ABCG2: variants seen among roughly 807,000 people sequenced by gnomAD.
ABCG2 encodes ATP binding cassette subfamily G member 2 (JR blood group).
In ABCG2, 80 loss-of-function variants were observed where a neutral mutation model predicts 73.5. The observed-to-expected ratio is 1.09, with a 90% confidence interval of 0.91 to 1.31. The LOEUF (loss-of-function observed/expected upper bound fraction) is 1.31. ABCG2 is among the 50% of genes most tolerant of loss of function. The pLI is 0.00. For synonymous variants in ABCG2, 269 were observed against 282.4 expected, an observed-to-expected ratio of 0.95 and a Z score of 0.48; for missense variants, 796 against 786.2, an observed-to-expected ratio of 1.01 and a Z score of -0.15.
rs1348537770 is a variant in ABCG2, at chr4:88,164,782, TG to T, written c.-19-24769del. 4.6e-5 allele frequency among the ~76,000 whole-genome samples: 7 copies of T among 152,266 alleles called. No homozygotes were observed. The East Asian group carries it at 5.8e-4, about 13-fold the overall frequency. On this transcript the variant is annotated intron_variant, in intron 1 of 15. Coordinates refer to the ABCG2 transcript ENST00000515655. ...AGGTAAATGGATTTTTTGTTGTTGT[TG>T]TTGTTTGTTTTTGAGACAGAGTCTC... is the stretch of plus-strand genomic sequence containing the variant.
chr4:88,201,386 C>G (rs1729159280), intron 1 of ABCG2, among the ~76,000 whole-genome samples: 1 of 152,068 alleles, frequency 6.6e-6, no homozygotes, highest in Non-Finnish European at 1.5e-5. Flanking sequence ...ATTTGATAAC[C>G]TAGATGAAAT....
At chr4:88,101,460 G>A in intron 10 of ABCG2, 141 bp from the exon 11 acceptor site, 3 of 727,376 alleles carry the variant, frequency 4.1e-6, no homozygotes, top group Non-Finnish European at 7.1e-6. Flanking sequence ...TTGGAACAGG[G>A]AAGCGTGAAC....
intron 1 of ABCG2, among the ~76,000 whole-genome samples, chr4:88,223,035 CT>C (rs1243557951): frequency 6.6e-6 from 1 of 152,248 alleles, no homozygotes; most frequent in African/African-American, 2.4e-5. Flanking sequence ...CCTATAGCCC[CT>C]TCATTGTGGC....
chr4:88,103,781 G>A (rs1003996785), intron 10 of ABCG2, among the ~76,000 whole-genome samples: 1 of 152,106 alleles, frequency 6.6e-6, no homozygotes, highest in Non-Finnish European at 1.5e-5. Context: ...CAGTTCCATT[G>A]TTTCAGATTC....
upstream of ABCG2, among the ~76,000 whole-genome samples, chr4:88,159,878 GAATT>G (rs1354072183): frequency 6.6e-6 from 1 of 152,080 alleles, no homozygotes; most frequent in Admixed American, 6.6e-5. Flanking sequence ...TTATTCTTTT[GAATT>G]AATTTCTGTC....
intron 11 of ABCG2, among the ~76,000 whole-genome samples, chr4:88,101,026 T>C (rs919178422): frequency 2.6e-5 from 4 of 152,230 alleles, no homozygotes; most frequent in African/African-American, 7.2e-5. Flanking sequence ...TCAATGAATA[T>C]TGGTAACCCC....
chr4:88,132,787 A>C, intron 2 of ABCG2, 152 bp from the exon 3 acceptor site: 4 of 854,662 alleles, frequency 4.7e-6, no homozygotes, highest in Non-Finnish European at 7.4e-6. Flanking sequence ...AACAAACAAA[A>C]CAGGTCATGC....
At position 88,219,427 on chromosome 4, in the gene ABCG2, G is replaced by A. The variant is rs527775571; in HGVS notation, c.-20+11567C>T. On this transcript the variant is annotated intron_variant, in intron 1 of 15. Coordinates refer to the ABCG2 transcript ENST00000515655. Reference sequence around the variant, plus strand: ...ATGTTCTACAAGGAAATTACATAGAGCAATAGGAGAGGCTTCCCTGAGGAC... The same window carrying A: ...ATGTTCTACAAGGAAATTACATAGAACAATAGGAGAGGCTTCCCTGAGGAC... Among the ~76,000 whole-genome samples, 339 of 152,246 alleles carry A rather than the reference G, an allele frequency of 2.2e-3. 3 individuals are homozygous for A. The highest frequency in any genetic ancestry group is 3.3e-3 in the Non-Finnish European group (224 of 68,016).
chr4:88,230,212 C>T (rs987537469), intron 1 of ABCG2, among the ~76,000 whole-genome samples: 10 of 147,374 alleles, frequency 6.8e-5, no homozygotes, highest in Admixed American at 1.4e-4. Context: ...AGGCTTGTCT[C>T]GAACTCCTGA....
chr4:88,208,054 T>C (rs1427011961), intron 1 of ABCG2, among the ~76,000 whole-genome samples: 1 of 152,206 alleles, frequency 6.6e-6, no homozygotes, highest in African/African-American at 2.4e-5. Flanking sequence ...CAGTATTCAC[T>C]TCCAAGGAAT....
chr4:88,161,741 C>T (rs1727317668), upstream of ABCG2, among the ~76,000 whole-genome samples: 2 of 64,144 alleles, frequency 3.1e-5, no homozygotes, highest in African/African-American at 6.6e-5. Flanking sequence ...CCTGAGGAAT[C>T]GCCACACCGA....
chr4:88,108,351 G>A (rs989537930), intron 9 of ABCG2, among the ~76,000 whole-genome samples: 2 of 80,794 alleles, frequency 2.5e-5, no homozygotes, highest in Non-Finnish European at 8.5e-5. Context: ...GTGAGACTCC[G>A]TCTCTACTAA....
intron 1 of ABCG2, among the ~76,000 whole-genome samples, chr4:88,143,807 AC>A (rs55892504): frequency 0.22 from 33,177 of 151,722 alleles, 4,660 homozygotes; most frequent in African/African-American, 0.41. Context: ...AGGAAAAAAA[AC>A]AAACTTTAAT....
At chr4:88,201,918 G>C (rs1236853278) in intron 1 of ABCG2, 1 of 152,108 alleles carries the variant, frequency 6.6e-6, no homozygotes, top group Non-Finnish European at 1.5e-5. Context: ...TACATTAAGT[G>C]TTAAGAAGCA....
chr4:88,101,340 A>G, intron 10 of ABCG2, 21 bp from the exon 11 acceptor site: 1 of 1,599,980 alleles, frequency 6.3e-7, no homozygotes, highest in Non-Finnish European at 8.6e-7. Context: ...AAGGGGAACC[A>G]AATCACCGCA....
chr4:88,150,607 G>A (rs375323816), intron 1 of ABCG2, among the ~76,000 whole-genome samples: 2 of 152,202 alleles, frequency 1.3e-5, no homozygotes, highest in African/African-American at 2.4e-5. Context: ...ACTGGAAGAA[G>A]AATTGTCTTG....
At chr4:88,115,258 A>C (rs6814741) in intron 7 of ABCG2, among the ~76,000 whole-genome samples, 200 bp from the exon 8 acceptor site, 25,166 of 37,406 alleles carry the variant, frequency 0.67, 6,975 homozygotes, top group Non-Finnish European at 0.71. Context: ...CTCTCTCTCT[A>C]TATATATATA....
intron 1 of ABCG2, among the ~76,000 whole-genome samples, chr4:88,190,577 T>C (rs191885764): frequency 2.7e-3 from 415 of 152,346 alleles, no homozygotes; most frequent in Non-Finnish European, 3.1e-3. Context: ...GCAGTAGATT[T>C]CAAACTGTGT....
intron 1 of ABCG2, among the ~76,000 whole-genome samples, chr4:88,207,517 A>G (rs1729424610): frequency 1.3e-5 from 2 of 151,986 alleles, no homozygotes; most frequent in Non-Finnish European, 2.9e-5. Flanking sequence ...ATTAAATTTG[A>G]GCTTTTTTGA....
Sources: allele counts gnomAD v4.1 joint callset (sites outside exome capture counted in the v4.1 genomes callset), GRCh38; gene constraint gnomAD v4.1.1; transcripts MANE v1.5; gene names NCBI Gene and HGNC (gene_info 2026-07-23, HGNC 2026-07-21).